Variants in COL6A5 observed in about 807,000 individuals in gnomAD.
The protein encoded by COL6A5 is collagen type VI alpha 5 chain, also known as collagen alpha-5(VI) chain.
Under a neutral mutation model 65.6 loss-of-function variants are expected in COL6A5, and 48 were observed. That is an observed-to-expected ratio of 0.73 (90% CI 0.58 to 0.93). COL6A5 has a LOEUF of 0.93. Ranked by LOEUF, COL6A5 falls within the 40% of genes least tolerant of loss-of-function variation. COL6A5 has a pLI of 0.00. For missense variants in COL6A5, 914 were observed against 928.3 expected (o/e 0.98, Z 0.20); for synonymous variants, 291 against 322.8 (o/e 0.90, Z 1.05).
At chr3:130,391,748 C>T (rs1422816876) in exon 7 of COL6A5, 1 of 1,544,312 alleles carries the variant, frequency 6.5e-7, no homozygotes, top group South Asian at 1.2e-5. Flanking sequence ...TACTGAAGCA[C>T]CAGAGGGTAA....
chr3:130,389,987 G>A (rs1482401146), intron 6 of COL6A5, among the ~76,000 whole-genome samples: 1 of 152,162 alleles, frequency 6.6e-6, no homozygotes, highest in Admixed American at 6.6e-5. Context: ...AATTATGCAT[G>A]TGGAATTTTC....
At chr3:130,373,832 C>T (rs952729265) in intron 2 of COL6A5, 127 bp downstream of exon 2, 17 of 637,770 alleles carry the variant, frequency 2.7e-5, no homozygotes, top group African/African-American at 2.6e-4. Flanking sequence ...AATTGTTATA[C>T]AACATCAAAC....
intron 6 of COL6A5, 33 bp from the exon 39 acceptor site, chr3:130,470,838 A>G: frequency 6.6e-7 from 1 of 1,521,526 alleles, no homozygotes; most frequent in Non-Finnish European, 9.1e-7. Flanking sequence ...TAGGTGGGTA[A>G]AATTTAGACT....
At chr3:130,470,695 T>TATTCAATGG (rs1709928756) in intron 6 of COL6A5, among the ~76,000 whole-genome samples, 176 bp from the exon 39 acceptor site, 1 of 152,076 alleles carries the variant, frequency 6.6e-6, no homozygotes. Flanking sequence ...GGCTGTATCT[T>TATTCAATGG]CTTGACTTTG....
intron 1 of COL6A5, among the ~76,000 whole-genome samples, chr3:130,355,263 A>G (rs567373463): frequency 1.2e-4 from 19 of 152,224 alleles, no homozygotes; most frequent in Admixed American, 1.1e-3. Flanking sequence ...ATAATCACAA[A>G]GCAAGAATTA....
Position 130,470,852 on chromosome 3 carries a change from C to T in COL6A5, c.2232-19C>T, listed in dbSNP as rs780288951. The T allele has an allele frequency of 1.3e-6, 2 of 1,582,192 alleles. No individual in the cohort carries two copies. The highest frequency in any genetic ancestry group is 1.7e-6 in the Non-Finnish European group (2 of 1,153,430). On this transcript the variant is annotated intron_variant, in intron 6 of 7. Coordinates refer to ENST00000512836, the Ensembl canonical transcript of COL6A5. ...GTAGGTGGGTAAAATTTAGACTAAC[C>T]AGCCCACTCTCTCTCCAGGTGCCAT...
At chr3:130,390,099 T>C (rs768195790) in intron 6 of COL6A5, among the ~76,000 whole-genome samples, 3 of 152,210 alleles carry the variant, frequency 2.0e-5, no homozygotes, top group Non-Finnish European at 2.9e-5. Flanking sequence ...CCCCCAAAGA[T>C]GGCAGTGATT....
chr3:130,421,263 G>A (rs1937512502), intron 26 of COL6A5, 60 bp downstream of exon 26: 1 of 1,547,006 alleles, frequency 6.5e-7, no homozygotes, highest in Admixed American at 2.0e-5. Context: ...AATACAAGAA[G>A]AAATGTTCAT....
exon 4 of COL6A5, chr3:130,379,518 C>G (rs1377102312): frequency 1.3e-6 from 2 of 1,551,362 alleles, no homozygotes; most frequent in Non-Finnish European, 1.7e-6. Context: ...ATCTTCAGAC[C>G]TTCCTTGAGA....
At chr3:130,421,083 A>G in intron 25 of COL6A5, 70 bp from the exon 26 acceptor site, 1 of 1,398,080 alleles carries the variant, frequency 7.2e-7, no homozygotes, top group Non-Finnish European at 9.9e-7. Context: ...TGACACTGTA[A>G]TCTCCCCAGT....
Position 130,484,766 on chromosome 3 carries a change from C to T in COL6A5, c.*725C>T, listed in dbSNP as rs1710331232. 20 of 398,858 alleles carry T rather than the reference C, an allele frequency of 5.0e-5. No homozygotes were observed. The East Asian group carries it at 7.1e-4, about 14-fold the overall frequency. The allele number at this position is 398,858 out of a possible 1,614,324, so 24.7% of individuals were successfully genotyped here. A position where few individuals can be genotyped will look rare whatever the true frequency, so the allele number is the denominator to read the frequency against. On this transcript the variant is annotated 3_prime_UTR_variant, in exon 8 of 8. Transcript: ENST00000512836. ...AAAGAATTACGGAAAAGCACAGATACTCTATATGACCAGAGATGTTCTTGG... is the reference window on the plus strand; with the variant it reads ...AAAGAATTACGGAAAAGCACAGATATTCTATATGACCAGAGATGTTCTTGG...
At chr3:130,396,821 A>C (rs544572411) in intron 8 of COL6A5, among the ~76,000 whole-genome samples, 13 of 152,256 alleles carry the variant, frequency 8.5e-5, no homozygotes, top group Admixed American at 8.5e-4. Flanking sequence ...AACCTCTAAA[A>C]CTTAAATAAT....
At chr3:130,379,695 GGCT>G in exon 4 of COL6A5, 1 of 1,551,326 alleles carries the variant, frequency 6.4e-7, no homozygotes. Flanking sequence ...CCAATACAGG[GGCT>G]GCCATTGATC....
chr3:130,365,972 T>C (rs1301504524), intron 1 of COL6A5, among the ~76,000 whole-genome samples: 2 of 152,104 alleles, frequency 1.3e-5, no homozygotes, highest in Non-Finnish European at 2.9e-5. Flanking sequence ...CCAAGCCACA[T>C]TTTGTTTTCT....
intron 14 of COL6A5, 74 bp from the exon 15 acceptor site, chr3:130,405,919 C>T: frequency 5.0e-6 from 7 of 1,393,790 alleles, no homozygotes; most frequent in Non-Finnish European, 7.0e-6. Flanking sequence ...CATGCTCACT[C>T]ACTTTAGAGA....
chr3:130,404,979 T>C (rs1936937430), intron 13 of COL6A5, among the ~76,000 whole-genome samples: 1 of 152,204 alleles, frequency 6.6e-6, no homozygotes, highest in Non-Finnish European at 1.5e-5. Context: ...TACTTTAGCA[T>C]TTACCTGTAT....
At chr3:130,440,376 A>G in exon 3 of COL6A5, 1 of 1,613,556 alleles carries the variant, frequency 6.2e-7, no homozygotes. Context: ...TTGTTGAGCT[A>G]TTCTCCTTGG....
intron 10 of COL6A5, among the ~76,000 whole-genome samples, chr3:130,398,357 C>T (rs1254465896): frequency 6.6e-6 from 1 of 152,066 alleles, no homozygotes; most frequent in African/African-American, 2.4e-5. Flanking sequence ...GTCTTGATCT[C>T]CTGACCTCGT....
At chr3:130,373,144 G>A (rs1935628168) in intron 1 of COL6A5, among the ~76,000 whole-genome samples, 1 of 152,108 alleles carries the variant, frequency 6.6e-6, no homozygotes, top group Admixed American at 6.6e-5. Context: ...ATACGATAGT[G>A]GCATAACAAT....
Sources: gnomAD v4.1 joint callset for allele counts (sites outside exome capture counted in the v4.1 genomes callset) on GRCh38, gnomAD v4.1.1 for gene constraint, MANE v1.5 for transcripts, NCBI Gene and HGNC (gene_info 2026-07-23, HGNC 2026-07-21) for gene names.